PLSCR2: variants seen among roughly 807,000 people sequenced by gnomAD.
PLSCR2 encodes phospholipid scramblase 2, also known as PL scramblase 2.
Under a neutral mutation model 25.3 loss-of-function variants are expected in PLSCR2, and 18 were observed. The ratio of observed to expected loss-of-function variants is 0.71; its 90% CI spans 0.49 to 1.06. The LOEUF is 1.06. Ranked by LOEUF, PLSCR2 falls within the 50% of genes least tolerant of loss-of-function variation. The pLI, the probability that PLSCR2 is intolerant of heterozygous loss-of-function variation, is 0.00. For synonymous variants in PLSCR2, 88 were observed against 87.3 expected, an observed-to-expected ratio of 1.01 and a Z score of -0.04; for missense variants, 243 against 269.5, an observed-to-expected ratio of 0.90 and a Z score of 0.69.
chr3:146,487,158 A>G (rs1026822794), intron 1 of PLSCR2, among the ~76,000 whole-genome samples: 1 of 152,166 alleles, frequency 6.6e-6, no homozygotes, highest in East Asian at 1.9e-4. Context: ...TACTGATGGA[A>G]CATATCTCAA....
At chr3:146,404,969 G>T (rs1296188418) in intron 2 of PLSCR2, among the ~76,000 whole-genome samples, 1 of 152,052 alleles carries the variant, frequency 6.6e-6, no homozygotes, top group African/African-American at 2.4e-5. Context: ...GACCCTTAAG[G>T]CCTCAGGCAA....
chr3:146,459,798 A>G (rs1301945087), intron 2 of PLSCR2, 50 bp downstream of exon 2: 1 of 1,321,452 alleles, frequency 7.6e-7, no homozygotes, highest in East Asian at 2.3e-5. Flanking sequence ...TTCATAAACC[A>G]GAAAGAGAGT....
intron 1 of PLSCR2, among the ~76,000 whole-genome samples, chr3:146,466,754 A>G (rs2041889438): frequency 6.6e-6 from 1 of 152,210 alleles, no homozygotes; most frequent in Non-Finnish European, 1.5e-5. Context: ...AATGCTGTAC[A>G]GCTCAGTAAC....
chr3:146,449,323 C>T (rs982206060), exon 6 of PLSCR2: 2 of 1,605,766 alleles, frequency 1.2e-6, no homozygotes, highest in South Asian at 2.2e-5. Context: ...CAGACCAGTG[C>T]TTAGAAATCC....
chr3:146,483,466 T>C (rs1282946162), intron 1 of PLSCR2, among the ~76,000 whole-genome samples: 1 of 56,670 alleles, frequency 1.8e-5, no homozygotes, highest in African/African-American at 8.3e-5. Context: ...TATATATATA[T>C]ATATATACAT....
chr3:146,431,247 A>G (rs1317558400), downstream of PLSCR2, among the ~76,000 whole-genome samples: 2 of 152,226 alleles, frequency 1.3e-5, no homozygotes, highest in African/African-American at 4.8e-5. Context: ...GCAAGGGGCC[A>G]TGAAAAGGAA....
At position 146,456,995 on chromosome 3, in the gene PLSCR2, T is replaced by C. The variant is rs973712639; in HGVS notation, c.100+1416A>G. On this transcript the variant is annotated intron_variant, in intron 3 of 6. Transcript: ENST00000610787. ...AATCTTAATTATATATTCCATAAAA[T>C]AAAACATTTTAAATAATTCAGAATA... Among the ~76,000 whole-genome samples, 6 of 152,160 alleles carry C rather than the reference T, an allele frequency of 3.9e-5. No individual in the cohort carries two copies. In the East Asian group the frequency reaches 1.2e-3, roughly 29 times the overall value.
intron 5 of PLSCR2, among the ~76,000 whole-genome samples, chr3:146,450,175 A>G (rs2040814570): frequency 6.6e-6 from 1 of 152,202 alleles, no homozygotes. Flanking sequence ...ACCAAACTAC[A>G]TGTTAAGAGT....
chr3:146,428,092 G>T (rs568810631), intron 2 of PLSCR2, among the ~76,000 whole-genome samples: 1 of 152,282 alleles, frequency 6.6e-6, no homozygotes, highest in African/African-American at 2.4e-5. Context: ...AGCAACAATG[G>T]TGAGAAAATT....
intron 8 of PLSCR2, among the ~76,000 whole-genome samples, chr3:146,434,443 T>C (rs1245122905): frequency 3.3e-5 from 5 of 151,780 alleles, no homozygotes; most frequent in Non-Finnish European, 7.4e-5. Context: ...GAAAGTCCAA[T>C]TGTAGGGAAT....
intron 2 of PLSCR2, among the ~76,000 whole-genome samples, chr3:146,424,132 TAA>T (rs3048143): frequency 6.8e-6 from 1 of 146,956 alleles, no homozygotes; most frequent in Non-Finnish European, 1.5e-5. Flanking sequence ...TTAAAGTATT[TAA>T]AAAAAAAAAA....
intron 3 of PLSCR2, among the ~76,000 whole-genome samples, chr3:146,391,989 A>G (rs573032863): frequency 4.6e-5 from 7 of 152,214 alleles, no homozygotes; most frequent in African/African-American, 1.7e-4. Flanking sequence ...ATATGCTTAT[A>G]CCCTGGTTTT....
At chr3:146,433,991 T>C (rs552863392) in intron 8 of PLSCR2, among the ~76,000 whole-genome samples, 4 of 152,310 alleles carry the variant, frequency 2.6e-5, no homozygotes, top group Admixed American at 2.6e-4. Context: ...AAATTGTGGG[T>C]TGGCTGTCCC....
At chr3:146,457,642 C>A (rs2041295018) in intron 3 of PLSCR2, among the ~76,000 whole-genome samples, 1 of 152,150 alleles carries the variant, frequency 6.6e-6, no homozygotes, top group Non-Finnish European at 1.5e-5. Flanking sequence ...ACACTCCCAT[C>A]CAAATTCAAA....
At chr3:146,458,305 A>G in intron 3 of PLSCR2, 106 bp downstream of exon 3, 1 of 944,406 alleles carries the variant, frequency 1.1e-6, no homozygotes. Flanking sequence ...AGTCAGTTTT[A>G]CCATCCCACA....
intron 1 of PLSCR2, among the ~76,000 whole-genome samples, chr3:146,490,176 T>C (rs1340047730): frequency 2.6e-5 from 4 of 152,094 alleles, no homozygotes; most frequent in Non-Finnish European, 5.9e-5. Context: ...TAATGGGACA[T>C]GTATAGGATA....
intron 6 of PLSCR2, among the ~76,000 whole-genome samples, chr3:146,444,163 C>CT (rs1413024888): frequency 6.6e-6 from 1 of 151,726 alleles, no homozygotes; most frequent in Non-Finnish European, 1.5e-5. Context: ...ATCTTTAAGG[C>CT]TTTTTTTGTG....
exon 9 of PLSCR2, chr3:146,433,516 T>A (rs543305644): frequency 6.6e-6 from 1 of 152,138 alleles, no homozygotes; most frequent in Non-Finnish European, 1.5e-5. Context: ...AGATCCGGAA[T>A]CCTATGCAGA....
chr3:146,469,426 A>G, intron 1 of PLSCR2, 69 bp downstream of exon 1: 1 of 908,932 alleles, frequency 1.1e-6, no homozygotes, highest in Non-Finnish European at 1.3e-6. Context: ...TATGGGGCGG[A>G]GCATCGTCCC....
Sources: allele counts gnomAD v4.1 joint callset (sites outside exome capture counted in the v4.1 genomes callset), GRCh38; gene constraint gnomAD v4.1.1; transcripts MANE v1.5; gene names NCBI Gene and HGNC (gene_info 2026-07-23, HGNC 2026-07-21).